Variants in OR2T2 observed in about 807,000 individuals in gnomAD.
OR2T2 encodes olfactory receptor family 2 subfamily T member 2, also known as olfactory receptor 2T2.
For missense variants in OR2T2, 138 were observed against 409.1 expected (o/e 0.34, Z 5.72); for synonymous variants, 50 against 162.7 (o/e 0.31, Z 5.27).
At chr1:248,450,110 T>C (rs1236592337) in intron 2 of OR2T2, among the ~76,000 whole-genome samples, 1 of 28,560 alleles carries the variant, frequency 3.5e-5, no homozygotes, top group African/African-American at 4.5e-5. Flanking sequence ...GCCTATGGAA[T>C]AACATTAGGC....
chr1:248,453,385 T>C, exon 3 of OR2T2: 2 of 1,571,336 alleles, frequency 1.3e-6, no homozygotes, highest in Non-Finnish European at 1.7e-6. Context: ...CGTCACTCTA[T>C]GAGACCCTGA....
At chr1:248,450,280 TCACA>T (rs927395903) in intron 2 of OR2T2, among the ~76,000 whole-genome samples, 1 of 133,972 alleles carries the variant, frequency 7.5e-6, no homozygotes, top group African/African-American at 3.2e-5. Flanking sequence ...CATACCATGC[TCACA>T]CACTCACATA....
intron 1 of OR2T2, 129 bp from the exon 2 acceptor site, chr1:248,446,460 G>T (rs1211385974): frequency 6.9e-6 from 1 of 144,420 alleles, no homozygotes; most frequent in African/African-American, 2.9e-5. Context: ...AATCCTCCAT[G>T]CCCTTACTCT....
intron 2 of OR2T2, among the ~76,000 whole-genome samples, chr1:248,447,904 G>GAA (rs1662703576): frequency 6.8e-6 from 1 of 147,688 alleles, no homozygotes; most frequent in Non-Finnish European, 1.5e-5. Flanking sequence ...ACCATGTGTA[G>GAA]AAAATATTAA....
chr1:248,446,352 A>G (rs1662649781), intron 1 of OR2T2, among the ~76,000 whole-genome samples: 1 of 145,074 alleles, frequency 6.9e-6, no homozygotes, highest in South Asian at 2.1e-4. Context: ...TTGGAAGCTC[A>G]GGCTGTAGGG....
At chr1:248,451,668 A>C (rs1312395851) in intron 2 of OR2T2, among the ~76,000 whole-genome samples, 1 of 149,744 alleles carries the variant, frequency 6.7e-6, no homozygotes, top group Non-Finnish European at 1.5e-5. Flanking sequence ...AGTAGAGATG[A>C]GGTTTCACCA....
rs1262999234 is a variant in OR2T2 at position 248,448,087 on chromosome 1, T to G, written c.-23+1276T>G. On this transcript the variant is annotated intron_variant, in intron 2 of 2. Coordinates refer to ENST00000642130, the Ensembl canonical transcript of OR2T2. Reference sequence around the variant, plus strand: ...AGTGCTTGTGTTCAAGTAACTCAGTTTTTCTTAATGGCTCCAAAGAGATGG... The same window carrying G: ...AGTGCTTGTGTTCAAGTAACTCAGTGTTTCTTAATGGCTCCAAAGAGATGG... Among the ~76,000 whole-genome samples, 3 of 152,192 alleles carry G rather than the reference T, an allele frequency of 2.0e-5. 1 individual carries two copies. The highest frequency in any genetic ancestry group is 7.2e-5 in the African/African-American group (3 of 41,386).
chr1:248,451,834 TGAG>T, intron 2 of OR2T2, among the ~76,000 whole-genome samples: 1 of 107,366 alleles, frequency 9.3e-6, no homozygotes, highest in African/African-American at 5.3e-5. Flanking sequence ...GAAATAAACT[TGAG>T]GAAAAAACCC....
At chr1:248,450,273 A>G (rs1312649828) in intron 2 of OR2T2, among the ~76,000 whole-genome samples, 3 of 141,628 alleles carry the variant, frequency 2.1e-5, no homozygotes, top group Admixed American at 1.4e-4. Context: ...CACCACACAT[A>G]CCATGCTCAC....
exon 1 of OR2T2, chr1:248,445,649 C>CTT (rs1256930564): frequency 6.6e-6 from 1 of 152,392 alleles, no homozygotes; most frequent in East Asian, 1.9e-4. Context: ...TTTAGAAAGA[C>CTT]TTGGACCCAG....
At chr1:248,445,946 G>A (rs1662635688) in intron 1 of OR2T2, among the ~76,000 whole-genome samples, 2 of 146,194 alleles carry the variant, frequency 1.4e-5, no homozygotes, top group South Asian at 4.2e-4. Flanking sequence ...AAGGAAAATG[G>A]CATGTAAGAG....
rs1257410649 is a variant in OR2T2 at position 248,446,198 on chromosome 1, T to C, written c.-245-391T>C. Among the ~76,000 whole-genome samples, 3 of 143,988 alleles carry C rather than the reference T, an allele frequency of 2.1e-5. 1 individual carries two copies. The highest frequency in any genetic ancestry group is 8.6e-5 in the African/African-American group (3 of 35,072). 94.5% of individuals were successfully genotyped at this position (143,988 alleles called of 152,430 possible). ...TTTCATTTTAACCTCCTTCCTCTTT[T>C]ATTGAACCCATAAGGCATCCACGTG... On this transcript the variant is annotated intron_variant, in intron 1 of 2. Transcript: ENST00000642130.
intron 2 of OR2T2, among the ~76,000 whole-genome samples, chr1:248,450,301 CA>C (rs1662764653): frequency 1.4e-5 from 2 of 145,552 alleles, no homozygotes; most frequent in Non-Finnish European, 1.5e-5. Flanking sequence ...CATATGAACA[CA>C]CTACACACAC....
At position 248,447,253 on chromosome 1, in the gene OR2T2, TAGA is replaced by T. The variant is rs557523248; in HGVS notation, c.-23+450_-23+452del. On this transcript the variant is annotated intron_variant, in intron 2 of 2. Transcript: ENST00000642130. Reference sequence around the variant, plus strand: ...GGAGTACAGGAGTAGCTTGTGTAGGTAGAAGAAGAAAAGGAGTTCCTGGCCAAA... The same window carrying T: ...GGAGTACAGGAGTAGCTTGTGTAGGTAGAAGAAAAGGAGTTCCTGGCCAAA... 2.7e-4 allele frequency among the ~76,000 whole-genome samples: 40 copies of T among 150,878 alleles called. No individual in the cohort carries two copies. The South Asian group carries it at 4.8e-3, about 18-fold the overall frequency.
Position 248,453,823 on chromosome 1 carries a change from G to A in OR2T2, c.*51G>A, listed in dbSNP as rs534666566. ...GTGACTGTGATCGGGAAGGATTAGC[G>A]GGGACTCCCAGAGCATCAGGGGTGG... On this transcript the variant is annotated 3_prime_UTR_variant, in exon 3 of 3. Coordinates refer to ENST00000642130, the Ensembl canonical transcript of OR2T2. The A allele has an allele frequency of 2.6e-5, 37 of 1,440,838 alleles. No individual in the cohort carries two copies. The South Asian group carries it at 2.7e-4, about 11-fold the overall frequency. 89.3% of individuals were successfully genotyped at this position (1,440,838 alleles called of 1,614,324 possible). A position where few individuals can be genotyped will look rare whatever the true frequency, so the allele number is the denominator to read the frequency against.
chr1:248,450,298 A>G (rs1442791859), intron 2 of OR2T2, among the ~76,000 whole-genome samples: 3 of 11,040 alleles, frequency 2.7e-4, no homozygotes, highest in Non-Finnish European at 8.4e-4. Flanking sequence ...TCACATATGA[A>G]CACACTACAC....
intron 1 of OR2T2, 76 bp from the exon 2 acceptor site, chr1:248,446,513 C>G (rs1289741931): frequency 6.9e-6 from 1 of 144,252 alleles, no homozygotes; most frequent in African/African-American, 2.9e-5. Flanking sequence ...ACTAGATGGG[C>G]TCGCCTCGCC....
exon 3 of OR2T2, chr1:248,453,942 TGAA>T (rs1662882194): frequency 1.5e-6 from 1 of 686,826 alleles, no homozygotes; most frequent in Non-Finnish European, 2.5e-6. Context: ...GTATTGGTTC[TGAA>T]GAATGTTCAG....
chr1:248,454,358 G>T (rs1469365246), exon 3 of OR2T2: 3 of 21,612 alleles, frequency 1.4e-4, no homozygotes, highest in Non-Finnish European at 1.4e-4. Context: ...CATGAGTCCT[G>T]CCTGTCTGTA....
Sources: gnomAD v4.1 joint callset for allele counts (sites outside exome capture counted in the v4.1 genomes callset) on GRCh38, gnomAD v4.1.1 for gene constraint, MANE v1.5 for transcripts, NCBI Gene and HGNC (gene_info 2026-07-23, HGNC 2026-07-21) for gene names.